Variants in RGS22 observed in about 807,000 individuals in gnomAD.
RGS22 encodes regulator of G-protein signaling 22.
In RGS22, 148 loss-of-function variants were observed where a neutral mutation model predicts 172.9. The observed-to-expected ratio is 0.86, with a 90% CI of 0.75 to 0.98. The LOEUF (loss-of-function observed/expected upper bound fraction) is 0.98, where lower values mean the gene tolerates loss of function less well. Among genes scored for constraint, RGS22 ranks in the 50% least tolerant of loss-of-function variants. The probability of loss-of-function intolerance (pLI) is 0.00; values close to 1 mark genes in which losing one functional copy is unlikely to be tolerated. For synonymous variants in RGS22, 458 were observed against 480.2 expected, an observed-to-expected ratio of 0.95 and a Z score of 0.60; for missense variants, 1,347 against 1,440.8, an observed-to-expected ratio of 0.93 and a Z score of 1.05.
intron 14 of RGS22, among the ~76,000 whole-genome samples, chr8:100,032,351 A>G (rs1818913107): frequency 2.0e-5 from 3 of 152,168 alleles, no homozygotes; most frequent in Admixed American, 6.5e-5. Flanking sequence ...AACAAAAAAA[A>G]GGAGGGGTTG....
At chr8:100,003,141 TA>T in intron 17 of RGS22, 2 of 242,058 alleles carry the variant, frequency 8.3e-6, no homozygotes, top group South Asian at 8.3e-5. Flanking sequence ...ATTGTACATT[TA>T]AAAATAACTT....
At chr8:100,032,593 T>C (rs186674065) in intron 14 of RGS22, among the ~76,000 whole-genome samples, 114 of 152,188 alleles carry the variant, frequency 7.5e-4, no homozygotes, top group Admixed American at 4.6e-3. Flanking sequence ...CCACTGTCAA[T>C]ATTAGACAGA....
intron 11 of RGS22, among the ~76,000 whole-genome samples, chr8:100,042,272 TA>T (rs1285963688): frequency 6.6e-6 from 1 of 152,092 alleles, no homozygotes; most frequent in Non-Finnish European, 1.5e-5. Context: ...TGTGTTTTAA[TA>T]AAATTAAAAA....
intron 23 of RGS22, among the ~76,000 whole-genome samples, chr8:99,977,270 ATTTTTT>A (rs895569407): frequency 4.0e-4 from 48 of 120,380 alleles, no homozygotes; most frequent in African/African-American, 1.3e-3. Context: ...CGCCCGGTTA[ATTTTTT>A]TTTTTTTTTT....
At chr8:100,051,670 T>C (rs1228724517) in intron 10 of RGS22, among the ~76,000 whole-genome samples, 1 of 42,238 alleles carries the variant, frequency 2.4e-5, no homozygotes, top group Non-Finnish European at 3.9e-5. Flanking sequence ...TATATATTTA[T>C]ATATGTTTAT....
At chr8:99,988,328 A>G (rs911798773) in intron 20 of RGS22, among the ~76,000 whole-genome samples, 9 of 152,098 alleles carry the variant, frequency 5.9e-5, no homozygotes, top group Non-Finnish European at 1.2e-4. Context: ...AGGTATTTTT[A>G]TCAACATTTA....
At chr8:100,087,400 T>G (rs1163623038) in intron 3 of RGS22, among the ~76,000 whole-genome samples, 1 of 152,156 alleles carries the variant, frequency 6.6e-6, no homozygotes, top group Admixed American at 6.6e-5. Flanking sequence ...AAGCTAACTT[T>G]GTAGTACTAG....
chr8:99,999,857 AACG>A, intron 18 of RGS22, among the ~76,000 whole-genome samples: 1 of 152,294 alleles, frequency 6.6e-6, no homozygotes, highest in African/African-American at 2.4e-5. Flanking sequence ...GTGTTAATTA[AACG>A]ACAACCTTGA....
At chr8:99,994,604 G>C (rs116888130) in intron 20 of RGS22, among the ~76,000 whole-genome samples, 1 of 152,000 alleles carries the variant, frequency 6.6e-6, no homozygotes, top group Non-Finnish European at 1.5e-5. Flanking sequence ...ACTGCTCAAC[G>C]AATAAAAGAG....
chr8:100,002,951 T>G (rs1485803329), intron 17 of RGS22: 1 of 153,414 alleles, frequency 6.5e-6, no homozygotes, highest in East Asian at 1.9e-4. Context: ...TTCCAGCTGC[T>G]GCAGAGGCTG....
At position 100,093,430 on chromosome 8, in the gene RGS22, C is replaced by T; in HGVS notation, c.117+17G>A. The T allele has an allele frequency of 6.8e-7, 1 of 1,472,688 alleles. No homozygotes were observed. The allele number at this position is 1,472,688 out of a possible 1,614,324, so 91.2% of individuals were successfully genotyped here. A position where few individuals can be genotyped will look rare whatever the true frequency, so the allele number is the denominator to read the frequency against. Reference sequence around the variant, plus strand: ...CTTTGATAATATATATTCAATAGATCATAATAATAAACTCACTGGAAGGCT... The same window carrying T: ...CTTTGATAATATATATTCAATAGATTATAATAATAAACTCACTGGAAGGCT... On this transcript the variant is annotated intron_variant, in intron 3 of 27. Transcript: ENST00000360863.
At chr8:100,082,265 T>C (rs1264966909) in intron 3 of RGS22, among the ~76,000 whole-genome samples, 1 of 152,152 alleles carries the variant, frequency 6.6e-6, no homozygotes, top group African/African-American at 2.4e-5. Flanking sequence ...ATGTGCAGGT[T>C]TGTTACATGG....
At chr8:100,071,568 C>G in intron 5 of RGS22, 31 bp from the exon 6 acceptor site, 2 of 1,568,726 alleles carry the variant, frequency 1.3e-6, no homozygotes, top group Non-Finnish European at 1.7e-6. Context: ...AAATTTAAAA[C>G]AAGTTTCAAA....
intron 12 of RGS22, among the ~76,000 whole-genome samples, chr8:100,040,966 A>G (rs1820036177): frequency 6.6e-6 from 1 of 152,204 alleles, no homozygotes; most frequent in African/African-American, 2.4e-5. Context: ...TAAAAAAAAA[A>G]TCATTATTTT....
intron 10 of RGS22, 115 bp downstream of exon 10, chr8:100,052,687 A>AT (rs1821799973): frequency 2.1e-6 from 2 of 966,156 alleles, no homozygotes; most frequent in Non-Finnish European, 3.1e-6. Context: ...TGCAGCTTGT[A>AT]CATTAGCAAA....
chr8:100,010,520 T>C (rs909259561), intron 14 of RGS22, among the ~76,000 whole-genome samples: 2 of 152,028 alleles, frequency 1.3e-5, no homozygotes, highest in Non-Finnish European at 2.9e-5. Context: ...TCCCCTCCTC[T>C]AGGAAGCTTT....
At chr8:100,031,575 G>A (rs564885941) in intron 14 of RGS22, among the ~76,000 whole-genome samples, 24 of 150,800 alleles carry the variant, frequency 1.6e-4, no homozygotes, top group Middle Eastern at 3.4e-3. Context: ...AATTTGGTGC[G>A]TGTGTGTGTG....
chr8:99,977,951 T>A lies in RGS22; in HGVS notation c.3485A>T (p.Lys1162Ile), dbSNP rs949781853. The A allele has an allele frequency of 3.2e-6, 5 of 1,563,840 alleles. No individual in the cohort carries two copies. In the African/African-American group the frequency reaches 7.0e-5, roughly 22 times the overall value. ...RRQEYNKQKK[K>I]LAVLEDEKSG... ...TTTTTCGTCTTCTAGGACTGCCAAT[T>A]TTTTTTTCTGCTTATTATATTCTTG... The change falls in exon 23 of 28, where the codon AAA becomes ATA. Residue 1162 changes from lysine to isoleucine, a missense_variant. Physicochemically the swap from Lys to Ile is moderately radical, Grantham distance 102. Transcript: ENST00000360863.
chr8:100,006,209 T>C (rs1350035971), intron 15 of RGS22, 100 bp from the exon 16 acceptor site: 4 of 899,514 alleles, frequency 4.4e-6, no homozygotes, highest in Non-Finnish European at 6.8e-6. Flanking sequence ...AGGAAATTAT[T>C]TTCAAAGCAA....
Sources: gnomAD v4.1 joint callset for allele counts (sites outside exome capture counted in the v4.1 genomes callset) on GRCh38, gnomAD v4.1.1 for gene constraint, MANE v1.5 for transcripts, NCBI Gene and HGNC (gene_info 2026-07-23, HGNC 2026-07-21) for gene names.